BSG: variants seen among roughly 807,000 people sequenced by gnomAD.
The protein encoded by BSG is basigin (Ok blood group), also known as basigin.
A neutral mutation model predicts 43.1 loss-of-function variants in BSG; 37 were observed. That is an observed-to-expected ratio of 0.86 (90% CI 0.66 to 1.13). BSG has a LOEUF of 1.13. Among genes scored for constraint, BSG ranks in the 50% most tolerant of loss-of-function variants. BSG has a pLI of 0.00. For missense variants in BSG, 599 were observed against 554.2 expected, an observed-to-expected ratio of 1.08 and a Z score of -0.81; for synonymous variants, 309 against 238.7, an observed-to-expected ratio of 1.29 and a Z score of -2.72.
chr19:578,866 G>T (rs776047587), intron 2 of BSG: 1 of 375,046 alleles, frequency 2.7e-6, no homozygotes, highest in East Asian at 7.3e-5. Flanking sequence ...GAGTAGCTGG[G>T]ATTACAGGCA....
Position 581,389 on chromosome 19 carries a change from C to T in BSG, c.867C>T (p.Asn289=). The change falls in exon 6 of 9, where the codon AAC becomes AAT. Residue 289 remains asparagine (N), a synonymous_variant. Coordinates refer to ENST00000333511, the MANE Select transcript of BSG (RefSeq NM_001728.4). ...GCCGGTCAGAGCTACACATTGAGAA[C>T]CTGAACATGGAGGCCGACCCCGGCC... is the stretch of plus-strand genomic sequence containing the variant. ...SQGRSELHIE[N]LNMEADPGQY... is the part of the protein sequence containing the mutation. 1.9e-6 allele frequency: 3 copies of T among 1,612,834 alleles called. No homozygotes were observed. Among genetic ancestry groups the T allele is most frequent in the Non-Finnish European group, 2.5e-6 (3 of 1,179,952 alleles).
intron 4 of BSG, 42 bp from the exon 5 acceptor site, chr19:580,604 G>A (rs752114187): frequency 1.4e-5 from 23 of 1,611,052 alleles, no homozygotes; most frequent in Non-Finnish European, 1.4e-5. Flanking sequence ...GGATGGGGGC[G>A]GGCCTGCGGT....
chr19:571,660 C>T, upstream of BSG: 1 of 767,720 alleles, frequency 1.3e-6, no homozygotes, highest in Non-Finnish European at 2.4e-6. Flanking sequence ...CAAAGAGAAA[C>T]CAGCACTTAG....
At chr19:571,361 C>T (rs28989770), upstream of BSG, 201 of 603,308 alleles carry the variant, frequency 3.3e-4, no homozygotes, top group African/African-American at 3.5e-3. Context: ...ATTGCGACTC[C>T]GAGTTTAACT....
intron 6 of BSG, 89 bp downstream of exon 6, chr19:581,680 C>T (rs1055384208): frequency 2.8e-6 from 4 of 1,440,570 alleles, no homozygotes; most frequent in Non-Finnish European, 3.7e-6. Context: ...CCACCGCTGA[C>T]CCAGAGCTTG....
In BSG at chr19:581,495, C is replaced by T; in HGVS notation, c.973C>T (p.Leu325Phe). 1 of 1,600,452 alleles carries T rather than the reference C, an allele frequency of 6.2e-7. No individual in the cohort carries two copies. The highest frequency in any genetic ancestry group is 2.3e-5 in the East Asian group (1 of 43,966). Residue 325 changes from leucine to phenylalanine, a missense_variant, in exon 6 of 9, where the codon CTC becomes TTC. Coordinates refer to ENST00000333511, the MANE Select transcript of BSG (RefSeq NM_001728.4). ...TLRVRSHLAA[L>F]WPFLGIVAEV... ...CCGCGTGCGCAGCCACCTGGCCGCCCTCTGGCCCTTCCTGGGCATCGTGGC... is the reference window on the plus strand; with the variant it reads ...CCGCGTGCGCAGCCACCTGGCCGCCTTCTGGCCCTTCCTGGGCATCGTGGC...
chr19:572,433 T>A (rs1023066521), upstream of BSG: 49 of 1,139,420 alleles, frequency 4.3e-5, no homozygotes, highest in Non-Finnish European at 5.1e-5. Flanking sequence ...TTCCGTAGCG[T>A]GAGCCTGCCG....
At chr19:573,003 C>T (rs1234876766) in intron 1 of BSG, among the ~76,000 whole-genome samples, 1 of 152,016 alleles carries the variant, frequency 6.6e-6, no homozygotes, top group Non-Finnish European at 1.5e-5. Context: ...CCAGGGGGTC[C>T]TGGCCAGGCC....
intron 1 of BSG, 101 bp downstream of exon 1, chr19:572,802 G>C: frequency 8.0e-7 from 1 of 1,252,166 alleles, no homozygotes; most frequent in Non-Finnish European, 1.0e-6. Flanking sequence ...CCTCGGCGCG[G>C]GGCGGCCTGG....
intron 5 of BSG, 85 bp from the exon 6 acceptor site, chr19:581,227 GACT>G: frequency 7.6e-7 from 1 of 1,314,722 alleles, no homozygotes; most frequent in South Asian, 2.0e-5. Flanking sequence ...GAGGGGCCTA[GACT>G]GGGGGTCCCG....
chr19:579,493 C>T lies in BSG; in HGVS notation c.416-7C>T, dbSNP rs1982088482. On this transcript the variant is annotated splice_region_variant and splice_polypyrimidine_tract_variant and intron_variant, in intron 2 of 8. Transcript: ENST00000333511. ...CTCTGCTGACCGCGTCTCGCCGGGC[C>T]TTGCAGCCGGCACAGTCTTCACTAC... is the stretch of plus-strand genomic sequence containing the variant. The T allele has an allele frequency of 6.2e-7, 1 of 1,612,508 alleles. No individual in the cohort carries two copies. Among genetic ancestry groups the T allele is most frequent in the Non-Finnish European group, 8.5e-7 (1 of 1,179,904 alleles).
Position 582,896 on chromosome 19 carries a change from G to T in BSG, c.*152G>T. On this transcript the variant is annotated 3_prime_UTR_variant, in exon 9 of 9. Transcript: ENST00000333511. ...CTTCCTTCTTTTTTAAAAAAGTTGG[G>T]TTTTCTCCATTCAGGATTCTGTTCC... 1 of 420,224 alleles carries T rather than the reference G, an allele frequency of 2.4e-6. No individual in the cohort carries two copies. The highest frequency in any genetic ancestry group is 3.4e-5 in the South Asian group (1 of 29,220). 26.0% of individuals were successfully genotyped at this position (420,224 alleles called of 1,614,324 possible).
intron 3 of BSG, chr19:580,105 G>T: frequency 2.1e-6 from 1 of 481,046 alleles, no homozygotes; most frequent in Admixed American, 3.8e-5. Context: ...TGGGAAGACG[G>T]TCACAGGGTG....
At chr19:580,877 G>C (rs567592440) in intron 5 of BSG, 95 bp downstream of exon 5, 1 of 1,237,744 alleles carries the variant, frequency 8.1e-7, no homozygotes, top group African/African-American at 1.7e-5. Context: ...CTCAGGACTG[G>C]GTGAGGGGCC....
At chr19:571,522 G>C (rs1981234826), upstream of BSG, 1 of 779,204 alleles carries the variant, frequency 1.3e-6, no homozygotes, top group Non-Finnish European at 2.4e-6. Context: ...GGCGGGACCC[G>C]ATCCTCCGCT....
rs1302403315 is a variant in BSG at position 582,731 on chromosome 19, C to T, written c.*6-19C>T. 15 of 832,614 alleles carry T rather than the reference C, an allele frequency of 1.8e-5. No individual in the cohort carries two copies. Among genetic ancestry groups the T allele is most frequent in the Non-Finnish European group, 2.8e-5 (15 of 528,494 alleles). 51.6% of individuals were successfully genotyped at this position (832,614 alleles called of 1,614,324 possible). A position where few individuals can be genotyped will look rare whatever the true frequency, so the allele number is the denominator to read the frequency against. ...CGCTGGGAGGTGGGTCCAGTCTGAG[C>T]GCCCCTCCCTGTCCACAGGTGGCCC... is the stretch of plus-strand genomic sequence containing the variant. On this transcript the variant is annotated intron_variant, in intron 8 of 8. Coordinates refer to ENST00000333511, the MANE Select transcript of BSG (RefSeq NM_001728.4).
At chr19:582,490 C>T (rs1308379682) in intron 7 of BSG, 24 bp from the exon 8 acceptor site, 4 of 1,605,964 alleles carry the variant, frequency 2.5e-6, no homozygotes, top group Non-Finnish European at 2.5e-6. Flanking sequence ...GGGACACCCT[C>T]TCACCCGGCC....
intron 1 of BSG, among the ~76,000 whole-genome samples, chr19:573,042 G>C (rs1251417384): frequency 1.3e-5 from 2 of 152,196 alleles, no homozygotes; most frequent in Non-Finnish European, 2.9e-5. Context: ...TGGGCGTCTT[G>C]CTTTTCGGTC....
At chr19:578,349 A>G (rs1981971522) in intron 2 of BSG, 1 of 445,596 alleles carries the variant, frequency 2.2e-6, no homozygotes, top group Non-Finnish European at 3.9e-6. Flanking sequence ...TCTGCCCTCC[A>G]GCAGGTGGGT....
Sources: allele counts gnomAD v4.1 joint callset (sites outside exome capture counted in the v4.1 genomes callset), GRCh38; gene constraint gnomAD v4.1.1; transcripts MANE v1.5; gene names NCBI Gene and HGNC (gene_info 2026-07-23, HGNC 2026-07-21).